GPC6: variants seen among roughly 807,000 people sequenced by gnomAD.
GPC6 encodes the protein glypican-6.
A neutral mutation model predicts 55.2 loss-of-function variants in GPC6; 14 were observed. The ratio of observed to expected loss-of-function variants is 0.25; its 90% confidence interval spans 0.17 to 0.40. GPC6 has a LOEUF of 0.40. Ranked by LOEUF, GPC6 falls within the 10% of genes least tolerant of loss-of-function variation. GPC6 has a pLI of 1.00. For missense variants in GPC6, 641 were observed against 708.5 expected (o/e 0.90, Z 1.08); for synonymous variants, 278 against 259.6 (o/e 1.07, Z -0.68).
intron 6 of GPC6, among the ~76,000 whole-genome samples, chr13:94,369,140 G>A (rs910731311): frequency 2.0e-5 from 3 of 152,016 alleles, no homozygotes; most frequent in African/African-American, 7.3e-5. Flanking sequence ...TTTTTCTAAA[G>A]ATATGGTATA....
intron 2 of GPC6, among the ~76,000 whole-genome samples, chr13:93,690,851 C>A (rs1882233061): frequency 6.6e-6 from 1 of 152,018 alleles, no homozygotes; most frequent in South Asian, 2.1e-4. Flanking sequence ...CTTTTCCTAT[C>A]TGCAGCATTT....
chr13:93,475,068 G>T (rs1879253875), intron 1 of GPC6, among the ~76,000 whole-genome samples: 1 of 152,052 alleles, frequency 6.6e-6, no homozygotes, highest in South Asian at 2.1e-4. Context: ...ATTGATTCTA[G>T]GATTTCAAGG....
Position 93,861,235 on chromosome 13 carries a change from C to T in GPC6, c.711+30690C>T, listed in dbSNP as rs1222500543. On this transcript the variant is annotated intron_variant, in intron 3 of 8. Coordinates refer to ENST00000377047, the MANE Select transcript of GPC6 (RefSeq NM_005708.5). ...TTCACAGTAGTAAAAAAAAAAAGAA[C>T]TCTTTTGTATAAATTTCATGAAGAT... 2.0e-5 allele frequency among the ~76,000 whole-genome samples: 3 copies of T among 150,592 alleles called. No individual in the cohort carries two copies. The East Asian group carries it at 5.9e-4, about 30-fold the overall frequency.
At chr13:94,017,772 A>G (rs932919504) in intron 3 of GPC6, among the ~76,000 whole-genome samples, 3 of 151,926 alleles carry the variant, frequency 2.0e-5, no homozygotes, top group Admixed American at 6.6e-5. Flanking sequence ...TCTGCCTCCC[A>G]AGTTCAAGCA....
chr13:93,602,352 A>G (rs1443709836), intron 2 of GPC6, among the ~76,000 whole-genome samples: 2 of 152,294 alleles, frequency 1.3e-5, no homozygotes, highest in Non-Finnish European at 1.5e-5. Context: ...CCTTTTCTGA[A>G]CTTTCATGAA....
chr13:94,233,665 C>T (rs938276512), intron 4 of GPC6, among the ~76,000 whole-genome samples: 1 of 152,094 alleles, frequency 6.6e-6, no homozygotes, highest in African/African-American at 2.4e-5. Context: ...CCTTGATTTT[C>T]AGATTCGTTG....
upstream of GPC6, among the ~76,000 whole-genome samples, chr13:93,223,019 C>CTTTTTTTTTTTTTTTTTTT (rs3073915): frequency 1.1e-4 from 11 of 100,780 alleles, 3 homozygotes; most frequent in African/African-American, 4.2e-4. Context: ...AGGGAAAACA[C>CTTTTTTTTTTTTTTTTTTT]TTTTTTTTTT....
At chr13:94,274,680 TAATG>T (rs1374540587) in intron 4 of GPC6, among the ~76,000 whole-genome samples, 3 of 152,156 alleles carry the variant, frequency 2.0e-5, no homozygotes, top group Non-Finnish European at 2.9e-5. Context: ...TCTTGAAAGT[TAATG>T]ACAAACTTAG....
At chr13:93,481,950 G>A (rs1594201348) in intron 1 of GPC6, among the ~76,000 whole-genome samples, 2 of 152,104 alleles carry the variant, frequency 1.3e-5, no homozygotes, top group East Asian at 3.9e-4. Flanking sequence ...TTTTTTAAAG[G>A]GTGGCTGAGA....
chr13:94,191,944 T>C (rs949755572), intron 4 of GPC6, among the ~76,000 whole-genome samples: 13 of 152,130 alleles, frequency 8.5e-5, no homozygotes, highest in African/African-American at 3.1e-4. Context: ...ATATGAAAAA[T>C]ATCCTCTTAT....
chr13:94,183,878 G>A (rs1235811927), intron 4 of GPC6, among the ~76,000 whole-genome samples: 3 of 152,306 alleles, frequency 2.0e-5, no homozygotes, highest in Admixed American at 2.0e-4. Context: ...GGGAGAAGGG[G>A]AGAACAAGGG....
intron 2 of GPC6, among the ~76,000 whole-genome samples, chr13:93,811,481 G>C (rs1385147433): frequency 6.6e-6 from 1 of 152,132 alleles, no homozygotes; most frequent in African/African-American, 2.4e-5. Context: ...TCATAATCAG[G>C]TAGCTATTGA....
At chr13:93,652,508 C>T (rs1321611000) in intron 2 of GPC6, among the ~76,000 whole-genome samples, 1 of 152,176 alleles carries the variant, frequency 6.6e-6, no homozygotes, top group Non-Finnish European at 1.5e-5. Context: ...TATTAACACC[C>T]TTGTTAGGAA....
At chr13:94,330,977 T>A (rs543349482) in intron 6 of GPC6, among the ~76,000 whole-genome samples, 2 of 152,254 alleles carry the variant, frequency 1.3e-5, no homozygotes, top group South Asian at 4.2e-4. Context: ...ATCTCAGAAA[T>A]TGGGCCTCCC....
At chr13:93,854,025 G>A (rs1022840294) in intron 3 of GPC6, among the ~76,000 whole-genome samples, 8 of 151,542 alleles carry the variant, frequency 5.3e-5, no homozygotes, top group African/African-American at 1.2e-4. Flanking sequence ...GACACTTCAC[G>A]TCGTGGATCT....
At chr13:93,880,641 C>G (rs1318170623) in intron 3 of GPC6, among the ~76,000 whole-genome samples, 1 of 151,924 alleles carries the variant, frequency 6.6e-6, no homozygotes, top group Non-Finnish European at 1.5e-5. Flanking sequence ...GTGCAGTGCA[C>G]CAGCATGGCA....
intron 4 of GPC6, among the ~76,000 whole-genome samples, chr13:94,271,240 C>T (rs1472713313): frequency 6.6e-6 from 1 of 151,828 alleles, no homozygotes; most frequent in East Asian, 1.9e-4. Context: ...ATCCACCCGT[C>T]TCGACCTCCC....
intron 2 of GPC6, among the ~76,000 whole-genome samples, chr13:93,567,992 C>T (rs1351995720): frequency 6.6e-6 from 1 of 152,052 alleles, no homozygotes; most frequent in Admixed American, 6.6e-5. Flanking sequence ...CTAAGAGAAA[C>T]CAATAATACA....
chr13:93,325,028 T>C lies in GPC6; in HGVS notation c.160+97412T>C, dbSNP rs192739861. Among the ~76,000 whole-genome samples the C allele has an allele frequency of 1.8e-3, 272 of 152,314 alleles. 3 individuals are homozygous for C. The highest frequency in any genetic ancestry group is 3.5e-4 in the Non-Finnish European group (24 of 68,030). ...GAAAAAAGGAATTCATGCACAGCAA[T>C]TGAGCTATTAAAATTTTGTAGGCAT... is the stretch of plus-strand genomic sequence containing the variant. On this transcript the variant is annotated intron_variant, in intron 1 of 8. Transcript: ENST00000377047.
Sources: gnomAD v4.1 joint callset for allele counts (sites outside exome capture counted in the v4.1 genomes callset) on GRCh38, gnomAD v4.1.1 for gene constraint, MANE v1.5 for transcripts, NCBI Gene and HGNC (gene_info 2026-07-23, HGNC 2026-07-21) for gene names.